KRT1: variants seen among roughly 807,000 people sequenced by gnomAD.
The protein encoded by KRT1 is keratin, type II cytoskeletal 1.
KRT1 carries 28 observed loss-of-function variants against 51.6 expected under a neutral mutation model. The observed-to-expected ratio is 0.54, with a 90% CI of 0.40 to 0.74. KRT1 has a LOEUF of 0.74. Among genes scored for constraint, KRT1 ranks in the 30% least tolerant of loss-of-function variants. The probability of loss-of-function intolerance (pLI) is 0.00; values close to 1 mark genes in which losing one functional copy is unlikely to be tolerated. For synonymous variants in KRT1, 301 were observed against 307.7 expected (o/e 0.98, Z 0.23); for missense variants, 783 against 815.5 (o/e 0.96, Z 0.49).
At chr12:52,677,786 G>C in intron 3 of KRT1, 41 bp from the exon 4 acceptor site, 2 of 1,546,238 alleles carry the variant, frequency 1.3e-6, no homozygotes, top group African/African-American at 1.4e-5. Context: ...ATTCTCTCCA[G>C]GGCAGGTCCC....
At chr12:52,676,942 G>A in intron 6 of KRT1, 117 bp downstream of exon 6, 2 of 1,356,170 alleles carry the variant, frequency 1.5e-6, no homozygotes, top group Non-Finnish European at 1.0e-6. Flanking sequence ...AGGAACCAGG[G>A]ATAATAATGT....
chr12:52,677,613 C>T (rs772602258), intron 4 of KRT1, 37 bp downstream of exon 4: 1 of 1,608,806 alleles, frequency 6.2e-7, no homozygotes, highest in South Asian at 1.1e-5. Flanking sequence ...TAAAAACTCT[C>T]CATTTAGATA....
At position 52,679,960 on chromosome 12, in the gene KRT1, C is replaced by G; in HGVS notation, c.389G>C (p.Gly130Ala). The G allele has an allele frequency of 1.2e-6, 2 of 1,612,428 alleles. No individual in the cohort carries two copies. The highest frequency in any genetic ancestry group is 1.7e-6 in the Non-Finnish European group (2 of 1,179,218). The change falls in exon 1 of 9, where the codon GGT becomes GCT. Residue 130 changes from glycine to alanine, a missense_variant. By Grantham distance (60) the Gly-to-Ala change is moderately conservative. Transcript: ENST00000252244. ...GGFGSGGGGF[G>A]GGGFGGGGYG... The stretch of plus-strand genomic sequence containing the variant: ...TCCACCACCCCCAAAGCCACCTCCA[C>G]CAAAACCACCACCACCACTGCCAAA...
At position 52,678,152 on chromosome 12, in the gene KRT1, A is replaced by T. The variant is rs1399807406; in HGVS notation, c.867+11T>A. On this transcript the variant is annotated intron_variant, in intron 3 of 8. Transcript: ENST00000252244. Reference sequence around the variant, plus strand: ...TTCAAATGTGAGTTCCGTCCTACAGAATTTGCTTACCTTCTTGATGGTCAC... The same window carrying T: ...TTCAAATGTGAGTTCCGTCCTACAGTATTTGCTTACCTTCTTGATGGTCAC... 1 of 1,613,602 alleles carries T rather than the reference A, an allele frequency of 6.2e-7. No individual in the cohort carries two copies. The highest frequency in any genetic ancestry group is 1.3e-5 in the African/African-American group (1 of 74,902).
At chr12:52,679,068 A>G (rs1298474547) in intron 1 of KRT1, among the ~76,000 whole-genome samples, 1 of 152,216 alleles carries the variant, frequency 6.6e-6, no homozygotes, top group African/African-American at 2.4e-5. Context: ...TATTACCATA[A>G]AAACTGGTTT....
At chr12:52,676,532 T>G in intron 6 of KRT1, 37 bp from the exon 7 acceptor site, 3 of 1,597,156 alleles carry the variant, frequency 1.9e-6, no homozygotes, top group Non-Finnish European at 2.6e-6. Context: ...TAATATGCAT[T>G]CCCCACTAGG....
At chr12:52,679,493 C>T (rs973312907) in intron 1 of KRT1, among the ~76,000 whole-genome samples, 11 of 152,282 alleles carry the variant, frequency 7.2e-5, no homozygotes, top group African/African-American at 1.4e-4. Context: ...GTCCCAATTC[C>T]GCTCAAGAGC....
Position 52,677,373 on chromosome 12 carries a change from C to G in KRT1, c.1071G>C (p.Gln357His), listed in dbSNP as rs1364801342. 4 of 1,614,100 alleles carry G rather than the reference C, an allele frequency of 2.5e-6. No homozygotes were observed. Among genetic ancestry groups the G allele is most frequent in the African/African-American group, 1.3e-5 (1 of 74,938 alleles). ...LDSIIAEVKA[Q>H]YEDIAQKSKA... The stretch of plus-strand genomic sequence containing the variant: ...TGCTCTTCTGGGCTATATCCTCGTA[C>G]TGGGCCTTGACCTCAGCAATGATGC... Residue 357 changes from glutamine to histidine, a missense_variant, in exon 5 of 9, where the codon CAG becomes CAC. Gln to His is a conservative substitution (Grantham distance 24, BLOSUM62 0). Transcript: ENST00000252244.
intron 4 of KRT1, 22 bp from the exon 5 acceptor site, chr12:52,677,502 T>C (rs752595516): frequency 1.9e-6 from 3 of 1,614,196 alleles, no homozygotes; most frequent in Admixed American, 3.3e-5. Flanking sequence ...AATAGGTTAG[T>C]GACTCTTACA....
intron 2 of KRT1, 53 bp downstream of exon 2, chr12:52,678,489 T>G (rs1298573211): frequency 6.5e-7 from 1 of 1,549,894 alleles, no homozygotes; most frequent in Non-Finnish European, 8.9e-7. Flanking sequence ...CTTATTACTT[T>G]CTGGAACTCT....
Position 52,676,465 on chromosome 12 carries a change from C to T in KRT1, c.1285G>A (p.Ala429Thr), listed in dbSNP as rs1170382506. Residue 429 changes from alanine (A) to threonine (T), a missense_variant, in exon 7 of 9, where the codon GCA becomes ACA. Physicochemically the swap from Ala to Thr is moderately conservative, Grantham distance 58. Coordinates refer to ENST00000252244, the MANE Select transcript of KRT1 (RefSeq NM_006121.4). ...AGGGCATTCTCGCCACGCTGCTCTG[C>T]ATCACTGATGGACTGCTGCAAGTTG... is the stretch of plus-strand genomic sequence containing the variant. ...ISNLQQSISD[A>T]EQRGENALKD... 2 of 1,614,082 alleles carry T rather than the reference C, an allele frequency of 1.2e-6. No individual in the cohort carries two copies. The highest frequency in any genetic ancestry group is 1.7e-5 in the Admixed American group (1 of 60,004).
intron 4 of KRT1, 84 bp downstream of exon 4, chr12:52,677,566 A>T: frequency 6.2e-7 from 1 of 1,604,686 alleles, no homozygotes; most frequent in Non-Finnish European, 8.5e-7. Context: ...AATAAAAGAT[A>T]AATATCTATT....
At position 52,674,746 on chromosome 12, in the gene KRT1, T is replaced by C; in HGVS notation, c.*447A>G. The C allele has an allele frequency of 4.2e-6, 1 of 238,694 alleles. No individual in the cohort carries two copies. Among genetic ancestry groups the C allele is most frequent in the Non-Finnish European group, 8.2e-6 (1 of 122,054 alleles). 14.8% of individuals were successfully genotyped at this position (238,694 alleles called of 1,614,324 possible). The stretch of plus-strand genomic sequence containing the variant: ...CGATCGAGACATGGAGAATTTCAAA[T>C]GCAGTTTATTGCAGCAAAACAAGGA... On this transcript the variant is annotated 3_prime_UTR_variant, in exon 9 of 9. Coordinates refer to ENST00000252244, the MANE Select transcript of KRT1 (RefSeq NM_006121.4).
chr12:52,678,440 T>C, intron 2 of KRT1, 102 bp downstream of exon 2: 1 of 1,254,782 alleles, frequency 8.0e-7, no homozygotes, highest in Non-Finnish European at 1.2e-6. Flanking sequence ...GCCTCTAACC[T>C]AAGAAAAGAC....
chr12:52,676,198 T>A, intron 7 of KRT1, 77 bp downstream of exon 7: 1 of 1,206,216 alleles, frequency 8.3e-7, no homozygotes, highest in African/African-American at 1.5e-5. Flanking sequence ...ATCAGATGGC[T>A]GCATCTTCAA....
intron 3 of KRT1, 92 bp downstream of exon 3, chr12:52,678,071 C>G (rs776070117): frequency 2.8e-4 from 351 of 1,240,860 alleles, no homozygotes; most frequent in Non-Finnish European, 3.9e-4. Flanking sequence ...CTACCTGGCT[C>G]TCCATATCAT....
In KRT1 at chr12:52,679,928, C is replaced by T; in HGVS notation, c.421G>A (p.Gly141Ser). Residue 141 changes from glycine (G) to serine (S), a missense_variant, in exon 1 of 9, where the codon GGT becomes AGT. Gly to Ser is a moderately conservative substitution (Grantham distance 56). Coordinates refer to ENST00000252244, the MANE Select transcript of KRT1 (RefSeq NM_006121.4). ...GGAGGGCAGACAGGACCATAACCAC[C>T]CCCATATCCACCACCCCCAAAGCCA... The part of the protein sequence containing the change: ...GGGFGGGGYG[G>S]GYGPVCPPGG... The T allele has an allele frequency of 6.2e-7, 1 of 1,613,652 alleles. No homozygotes were observed. Among genetic ancestry groups the T allele is most frequent in the Non-Finnish European group, 8.5e-7 (1 of 1,179,836 alleles).
chr12:52,678,321 A>G (rs556838312), intron 2 of KRT1, 98 bp from the exon 3 acceptor site: 14 of 1,248,480 alleles, frequency 1.1e-5, no homozygotes, highest in East Asian at 7.1e-5. Context: ...CTGCCTTTCT[A>G]TTATGAACCT....
chr12:52,677,772 G>A lies in KRT1; in HGVS notation c.868-27C>T, dbSNP rs374728180. 284 of 1,592,450 alleles carry A rather than the reference G, an allele frequency of 1.8e-4. 1 individual carries two copies. Among genetic ancestry groups the A allele is most frequent in the Non-Finnish European group, 2.4e-4 (276 of 1,160,534 alleles). ...TAGAGGAACAAGGGACATCATGAAG[G>A]CACATTCTCTCCAGGGCAGGTCCCT... is the stretch of plus-strand genomic sequence containing the variant. On this transcript the variant is annotated intron_variant, in intron 3 of 8. Coordinates refer to ENST00000252244, the MANE Select transcript of KRT1 (RefSeq NM_006121.4).
Sources: gnomAD v4.1 joint callset for allele counts (sites outside exome capture counted in the v4.1 genomes callset) on GRCh38, gnomAD v4.1.1 for gene constraint, MANE v1.5 for transcripts, NCBI Gene and HGNC (gene_info 2026-07-23, HGNC 2026-07-21) for gene names.